SMAD2: variants seen among roughly 807,000 people sequenced by gnomAD.
SMAD2 encodes the protein SMAD family member 2.
Under a neutral mutation model 64.4 loss-of-function variants are expected in SMAD2, and 8 were observed. That is an observed-to-expected ratio of 0.12 (90% CI 0.07 to 0.22). The LOEUF (loss-of-function observed/expected upper bound fraction) is 0.22. SMAD2 is among the 10% of genes least tolerant of loss of function. The probability of loss-of-function intolerance (pLI) is 1.00; values close to 1 mark genes in which losing one functional copy is unlikely to be tolerated. For synonymous variants in SMAD2, 203 were observed against 195.8 expected, an observed-to-expected ratio of 1.04 and a Z score of -0.31; for missense variants, 289 against 561.2, an observed-to-expected ratio of 0.51 and a Z score of 4.90.
chr18:47,873,239 G>C (rs1598811235), intron 2 of SMAD2, among the ~76,000 whole-genome samples: 1 of 152,176 alleles, frequency 6.6e-6, no homozygotes, highest in South Asian at 2.1e-4. Context: ...AGTTGTATAA[G>C]CAGCATCTAG....
At chr18:47,845,106 C>A in intron 10 of SMAD2, 1 of 615,874 alleles carries the variant, frequency 1.6e-6, no homozygotes, top group Non-Finnish European at 2.9e-6. Flanking sequence ...TGATATTTAA[C>A]ACTCTGAATT....
At chr18:47,848,833 C>T (rs909720977) in intron 7 of SMAD2, 146 bp from the exon 8 acceptor site, 13 of 646,352 alleles carry the variant, frequency 2.0e-5, no homozygotes, top group East Asian at 5.5e-5. Context: ...GTATCTGTAT[C>T]GGTTTCCACA....
Position 47,818,698 on chromosome 18 carries a change from T to C in SMAD2, c.*23129A>G, listed in dbSNP as rs1447034570. The C allele has an allele frequency of 6.6e-6, 1 of 152,216 alleles. No individual in the cohort carries two copies. Among genetic ancestry groups the C allele is most frequent in the African/African-American group, 2.4e-5 (1 of 41,460 alleles). 9.4% of individuals were successfully genotyped at this position (152,216 alleles called of 1,614,324 possible). A position where few individuals can be genotyped will look rare whatever the true frequency, so the allele number is the denominator to read the frequency against. On this transcript the variant is annotated 3_prime_UTR_variant, in exon 11 of 11. Transcript: ENST00000262160. The stretch of plus-strand genomic sequence containing the variant: ...CCAGTCCTAGCTAAAAATGTAAGCA[T>C]TTAAATATTAACATTAAACTCATTT...
chr18:47,906,035 G>A (rs2033888663), intron 1 of SMAD2, among the ~76,000 whole-genome samples: 1 of 151,854 alleles, frequency 6.6e-6, no homozygotes, highest in Admixed American at 6.6e-5. Context: ...GATCATTTGA[G>A]CACAGGGGTG....
Position 47,836,849 on chromosome 18 carries a change from C to T in SMAD2, c.*4978G>A. The T allele has an allele frequency of 4.7e-6, 1 of 211,906 alleles. No homozygotes were observed. The highest frequency in any genetic ancestry group is 9.5e-6 in the Non-Finnish European group (1 of 104,878). 13.1% of individuals were successfully genotyped at this position (211,906 alleles called of 1,614,324 possible). On this transcript the variant is annotated 3_prime_UTR_variant, in exon 11 of 11. Coordinates refer to ENST00000262160, the MANE Select transcript of SMAD2 (RefSeq NM_005901.6). ...AATTCCACTCCAAGAGATAATTTGC[C>T]CCTCAATCCCTACAAAGTGTAGTCT...
chr18:47,904,343 A>G (rs907211518), intron 1 of SMAD2, among the ~76,000 whole-genome samples: 1 of 151,626 alleles, frequency 6.6e-6, no homozygotes, highest in Non-Finnish European at 1.5e-5. Flanking sequence ...GGAAGGGTAG[A>G]GCAAAAGACA....
intron 7 of SMAD2, among the ~76,000 whole-genome samples, chr18:47,850,232 T>TAG (rs1915010789): frequency 2.3e-5 from 1 of 43,494 alleles, no homozygotes; most frequent in African/African-American, 9.2e-5. Flanking sequence ...ATAATATATA[T>TAG]TATATATTAT....
At chr18:47,902,265 C>A (rs1036510592) in intron 1 of SMAD2, among the ~76,000 whole-genome samples, 4 of 152,114 alleles carry the variant, frequency 2.6e-5, no homozygotes, top group Non-Finnish European at 5.9e-5. Flanking sequence ...ATTTTGCTTT[C>A]TTTAATCATT....
chr18:47,884,231 T>C (rs956990793), intron 2 of SMAD2, among the ~76,000 whole-genome samples: 11 of 152,222 alleles, frequency 7.2e-5, no homozygotes, highest in African/African-American at 2.4e-4. Context: ...AAATTTTATA[T>C]ATAAAATCCC....
chr18:47,908,265 C>T (rs917129540), intron 1 of SMAD2, among the ~76,000 whole-genome samples: 3 of 152,080 alleles, frequency 2.0e-5, no homozygotes, highest in African/African-American at 7.2e-5. Context: ...AAATTGAGAG[C>T]CCAAATGACA....
intron 6 of SMAD2, among the ~76,000 whole-genome samples, chr18:47,861,670 T>C (rs531009375): frequency 6.6e-6 from 1 of 152,320 alleles, no homozygotes; most frequent in East Asian, 1.9e-4. Context: ...ACCCCTCATT[T>C]TTGACAAAAA....
chr18:47,916,091 T>C (rs753080593), intron 1 of SMAD2, among the ~76,000 whole-genome samples: 10 of 152,234 alleles, frequency 6.6e-5, no homozygotes, highest in Non-Finnish European at 1.5e-4. Flanking sequence ...TAATGCTTAA[T>C]CATCCCTACA....
chr18:47,928,220 A>G (rs1377463816), intron 1 of SMAD2, among the ~76,000 whole-genome samples: 1 of 152,236 alleles, frequency 6.6e-6, no homozygotes, highest in Non-Finnish European at 1.5e-5. Context: ...AGCTGCTACA[A>G]AACGAGGTTT....
At chr18:47,898,203 T>C (rs2033524398) in intron 1 of SMAD2, among the ~76,000 whole-genome samples, 1 of 152,256 alleles carries the variant, frequency 6.6e-6, no homozygotes, top group African/African-American at 2.4e-5. Flanking sequence ...AAGAAATTGT[T>C]ATCATTCCAC....
chr18:47,922,490 T>C (rs982640791), intron 1 of SMAD2: 1 of 152,208 alleles, frequency 6.6e-6, no homozygotes, highest in African/African-American at 2.4e-5. Flanking sequence ...AGATATTAAG[T>C]AATCTAGAGA....
chr18:47,902,260 GCTTT>G lies in SMAD2; in HGVS notation c.-53-5455_-53-5452del, dbSNP rs2033713978. ...GTATTCCCCCAGGGTGCAAAATTTT[GCTTT>G]CTTTAATCATTTTTACACCCATTGT... On this transcript the variant is annotated intron_variant, in intron 1 of 10. Coordinates refer to ENST00000262160, the MANE Select transcript of SMAD2 (RefSeq NM_005901.6). 2.0e-5 allele frequency among the ~76,000 whole-genome samples: 3 copies of G among 152,114 alleles called. No homozygotes were observed. In the South Asian group the frequency reaches 6.2e-4, roughly 32 times the overall value.
chr18:47,880,468 T>A (rs1451864917), intron 2 of SMAD2, among the ~76,000 whole-genome samples: 1 of 152,212 alleles, frequency 6.6e-6, no homozygotes, highest in Non-Finnish European at 1.5e-5. Flanking sequence ...TGTGGGGCTA[T>A]CTTATCTGTT....
chr18:47,845,588 T>G, intron 9 of SMAD2, 75 bp downstream of exon 9: 1 of 1,583,160 alleles, frequency 6.3e-7, no homozygotes, highest in Non-Finnish European at 8.7e-7. Context: ...AATCATCTAC[T>G]GATTCCTAAA....
chr18:47,921,798 C>T (rs1434854522), intron 1 of SMAD2, among the ~76,000 whole-genome samples: 1 of 152,208 alleles, frequency 6.6e-6, no homozygotes, highest in Non-Finnish European at 1.5e-5. Flanking sequence ...GTTTCTAGTA[C>T]CTGGGCACTT....
Sources: gnomAD v4.1 joint callset for allele counts (sites outside exome capture counted in the v4.1 genomes callset) on GRCh38, gnomAD v4.1.1 for gene constraint, MANE v1.5 for transcripts, NCBI Gene and HGNC (gene_info 2026-07-23, HGNC 2026-07-21) for gene names.